DGKQ: variants seen among roughly 807,000 people sequenced by gnomAD.
The protein encoded by DGKQ is diacylglycerol kinase theta.
Under a neutral mutation model 104.2 loss-of-function variants are expected in DGKQ, and 97 were observed. The observed-to-expected ratio is 0.93, with a 90% CI of 0.79 to 1.10. The LOEUF (loss-of-function observed/expected upper bound fraction) is 1.10, where lower values mean the gene tolerates loss of function less well. DGKQ is among the 50% of genes least tolerant of loss of function. DGKQ has a pLI of 0.00. For synonymous variants in DGKQ, 736 were observed against 595.2 expected, an observed-to-expected ratio of 1.24 and a Z score of -3.44; for missense variants, 1,465 against 1,352.1, an observed-to-expected ratio of 1.08 and a Z score of -1.31.
chr4:968,149 G>T, intron 5 of DGKQ, 122 bp from the exon 6 acceptor site: 2 of 554,118 alleles, frequency 3.6e-6, no homozygotes, highest in Non-Finnish European at 4.9e-6. Flanking sequence ...CCTTCCTGCC[G>T]CCCGCCCCCG....
chr4:964,633 G>A (rs368256803), intron 15 of DGKQ, among the ~76,000 whole-genome samples: 2 of 152,148 alleles, frequency 1.3e-5, no homozygotes, highest in East Asian at 1.9e-4. Context: ...TGGGTCTGAA[G>A]GGCAGCGTTC....
Position 960,673 on chromosome 4 carries a change from T to A in DGKQ, c.2776A>T (p.Thr926Ser). The A allele has an allele frequency of 1.2e-6, 2 of 1,612,314 alleles. No individual in the cohort carries two copies. The highest frequency in any genetic ancestry group is 1.7e-6 in the Non-Finnish European group (2 of 1,179,814). The change falls in exon 23 of 23, where the codon ACC becomes TCC. Residue 926 changes from threonine to serine, a missense_variant. Coordinates refer to ENST00000273814, the MANE Select transcript of DGKQ (RefSeq NM_001347.4). The stretch of plus-strand genomic sequence containing the variant: ...GCAGCATCCGCCCGGGCATCCCTGG[T>A]GGTCCCGGCCCTCCTCGGCTTCTGC... ...AKQKPRRAGT[T>S]RDARADAAPA...
chr4:972,670 C>A (rs1713028284), intron 1 of DGKQ, among the ~76,000 whole-genome samples: 1 of 152,202 alleles, frequency 6.6e-6, no homozygotes, highest in African/African-American at 2.4e-5. Flanking sequence ...GCCTGCTTGC[C>A]GCGGGGGAAG....
intron 15 of DGKQ, among the ~76,000 whole-genome samples, chr4:964,939 C>T (rs1446877835): frequency 3.3e-5 from 5 of 152,146 alleles, no homozygotes; most frequent in African/African-American, 1.2e-4. Flanking sequence ...ACTGGGCAGC[C>T]TCGGATGAGC....
Position 970,279 on chromosome 4 carries a change from C to T in DGKQ, c.351+714G>A, listed in dbSNP as rs947182725. 6.6e-5 allele frequency among the ~76,000 whole-genome samples: 10 copies of T among 152,270 alleles called. 1 individual carries two copies. The highest frequency in any genetic ancestry group is 4.6e-4 in the Admixed American group (7 of 15,292). On this transcript the variant is annotated intron_variant, in intron 2 of 22. Transcript: ENST00000273814. ...GCCTGCGCCCCACCTGCAGCCTGAA[C>T]GCATCAGGGAATGCGGACTTGGGGG...
chr4:962,457 G>A lies in DGKQ; in HGVS notation c.2192C>T (p.Thr731Met), dbSNP rs528009075. The A allele has an allele frequency of 7.6e-5, 121 of 1,594,174 alleles. No individual in the cohort carries two copies. The highest frequency in any genetic ancestry group is 1.4e-4 in the Admixed American group (8 of 58,508). The change falls in exon 18 of 23, where the codon ACG becomes ATG. Residue 731 changes from threonine to methionine, a missense_variant. Transcript: ENST00000273814. ...TACCTTGGGGGGCTCTGCGTCTGCC[G>A]TGTCGTTCTCTGCACTGCCAGCCTC... ...AHEAGSAEND[T>M]ADAEPPKIVQ...
At chr4:969,271 C>T (rs890889439) in intron 2 of DGKQ, among the ~76,000 whole-genome samples, 4 of 152,204 alleles carry the variant, frequency 2.6e-5, no homozygotes, top group Non-Finnish European at 5.9e-5. Context: ...GAGCGAGGCC[C>T]GCCTGCCACC....
rs546028944 is a variant in DGKQ, at chr4:963,288, G to T, written c.1737C>A (p.His579Gln). The change falls in exon 16 of 23, where the codon CAC (histidine) becomes CAA (glutamine). Residue 579 changes from histidine (H) to glutamine (Q), a missense_variant and splice_region_variant. Coordinates refer to ENST00000273814, the MANE Select transcript of DGKQ (RefSeq NM_001347.4). Reference sequence around the variant, plus strand: ...GACAGCTGTCTGGGGGCAGCTTCGCGTGCTGACAGACAGGGGGCTGGGTTA... The same window carrying T: ...GACAGCTGTCTGGGGGCAGCTTCGCTTGCTGACAGACAGGGGGCTGGGTTA... Reference protein sequence around the residue: ...LTALVLPDLLHAKLPPDSCPL... With the variant: ...LTALVLPDLLQAKLPPDSCPL... The T allele has an allele frequency of 6.2e-7, 1 of 1,600,050 alleles. No homozygotes were observed. The highest frequency in any genetic ancestry group is 1.3e-5 in the African/African-American group (1 of 74,836).
In DGKQ at chr4:966,536, G is replaced by A. The variant is rs1460755966; in HGVS notation, c.1367-9C>T. On this transcript the variant is annotated splice_polypyrimidine_tract_variant and intron_variant, in intron 11 of 22. Transcript: ENST00000273814. ...CAGCATCGTCCGCTGGACTGCAGAG[G>A]TGAGGGCACAGGCCGTCAGCACCCG... is the stretch of plus-strand genomic sequence containing the variant. 4 of 1,611,150 alleles carry A rather than the reference G, an allele frequency of 2.5e-6. No homozygotes were observed. The highest frequency in any genetic ancestry group is 3.4e-6 in the Non-Finnish European group (4 of 1,178,812).
Position 960,536 on chromosome 4 carries a change from G to A in DGKQ, c.*84C>T. 1.6e-6 allele frequency: 2 copies of A among 1,285,652 alleles called. No individual in the cohort carries two copies. Among genetic ancestry groups the A allele is most frequent in the Admixed American group, 3.5e-5 (2 of 57,862 alleles). 79.6% of individuals were successfully genotyped at this position (1,285,652 alleles called of 1,614,324 possible). ...CGACCACAGGGCCGGCCACTGTGTGGACGTGGAGCTGCCTCCAGACCACCT... is the reference window on the plus strand; with the variant it reads ...CGACCACAGGGCCGGCCACTGTGTGAACGTGGAGCTGCCTCCAGACCACCT... On this transcript the variant is annotated 3_prime_UTR_variant, in exon 23 of 23. Transcript: ENST00000273814.
In DGKQ at chr4:959,308, A is replaced by G. The variant is rs954144539; in HGVS notation, c.*1312T>C. 2.0e-5 allele frequency: 3 copies of G among 152,508 alleles called. No individual in the cohort carries two copies. The highest frequency in any genetic ancestry group is 7.2e-5 in the African/African-American group (3 of 41,458). The allele number at this position is 152,508 out of a possible 1,614,324, so 9.4% of individuals were successfully genotyped here. On this transcript the variant is annotated 3_prime_UTR_variant, in exon 23 of 23. Coordinates refer to ENST00000273814, the MANE Select transcript of DGKQ (RefSeq NM_001347.4). ...TTCTGAGGTCAAAGCCACACCCAGG[A>G]AAGCTCCGCAGGATTGGAGGCCCAG... is the stretch of plus-strand genomic sequence containing the variant.
At chr4:973,065 G>T in intron 1 of DGKQ, 147 bp downstream of exon 1, 1 of 1,264,460 alleles carries the variant, frequency 7.9e-7, no homozygotes, top group Non-Finnish European at 1.0e-6. Flanking sequence ...ACAGGCCCCG[G>T]CCGCCCCACG....
intron 21 of DGKQ, 95 bp downstream of exon 21, chr4:961,372 T>C (rs1417169545): frequency 2.9e-6 from 4 of 1,385,224 alleles, no homozygotes; most frequent in Admixed American, 2.3e-5. Context: ...ACGCCCACCC[T>C]GGACCTGGCC....
chr4:971,030 C>A lies in DGKQ; in HGVS notation c.314G>T (p.Arg105Met), dbSNP rs1340705998. 2 of 1,556,300 alleles carry A rather than the reference C, an allele frequency of 1.3e-6. No homozygotes were observed. Among genetic ancestry groups the A allele is most frequent in the Non-Finnish European group, 1.7e-6 (2 of 1,149,740 alleles). ...MSHEKCLKHV[R>M]IPCTSVAPSL... The stretch of plus-strand genomic sequence containing the variant: ...GGGTGCCACACTCGTGCACGGGATC[C>A]TCACGTGCTTCAGGCACTTCTCATG... Residue 105 changes from arginine to methionine, a missense_variant, in exon 2 of 23, where the codon AGG becomes ATG. By Grantham distance (91) the Arg-to-Met change is moderately conservative (BLOSUM62 -1). Coordinates refer to ENST00000273814, the MANE Select transcript of DGKQ (RefSeq NM_001347.4). The surrounding 1 kb of genome is among the most constrained non-coding windows in gnomAD (Gnocchi z 4.0).
intron 2 of DGKQ, 138 bp from the exon 3 acceptor site, chr4:969,048 G>A (rs1028035422): frequency 8.8e-6 from 5 of 567,278 alleles, no homozygotes; most frequent in Non-Finnish European, 1.5e-5. Context: ...TGTGCTAGCT[G>A]GAGGCCCCAG....
chr4:966,023 A>G lies in DGKQ; in HGVS notation c.1484T>C (p.Val495Ala). The G allele has an allele frequency of 6.2e-7, 1 of 1,605,108 alleles. No individual in the cohort carries two copies. Among genetic ancestry groups the G allele is most frequent in the Non-Finnish European group, 8.5e-7 (1 of 1,176,838 alleles). The change falls in exon 13 of 23, where the codon GTA (valine) becomes GCA (alanine). Residue 495 changes from valine (V) to alanine (A), a missense_variant. By Grantham distance (64) the Val-to-Ala change is moderately conservative. Coordinates refer to ENST00000273814, the MANE Select transcript of DGKQ (RefSeq NM_001347.4). ...TRFYVAESRDVAPHVSLFVGG... is the reference protein window; with the variant it reads ...TRFYVAESRDAAPHVSLFVGG... ...AACAAACAGGGAGACGTGCGGGGCT[A>G]CATCCCTGCTCTCTGCCACGTAGAA...
intron 2 of DGKQ, among the ~76,000 whole-genome samples, chr4:970,101 G>A (rs554662444): frequency 2.0e-5 from 3 of 152,362 alleles, no homozygotes; most frequent in South Asian, 2.1e-4. Context: ...CAGGACCACC[G>A]GCCTAAGGCC....
rs1712345727 is a variant in DGKQ, at chr4:966,451, T to A, written c.1428+15A>T. The A allele has an allele frequency of 6.2e-7, 1 of 1,611,474 alleles. No homozygotes were observed. The highest frequency in any genetic ancestry group is 1.3e-5 in the African/African-American group (1 of 74,888). The stretch of plus-strand genomic sequence containing the variant: ...GCTGCTGGTTCCCTGGGGGCCGGCG[T>A]CCACACCCACTCACCTGCCGGATGT... On this transcript the variant is annotated intron_variant, in intron 12 of 22. Coordinates refer to ENST00000273814, the MANE Select transcript of DGKQ (RefSeq NM_001347.4).
intron 21 of DGKQ, 51 bp from the exon 22 acceptor site, chr4:961,252 G>C (rs370887375): frequency 1.4e-6 from 2 of 1,427,580 alleles, no homozygotes; most frequent in Non-Finnish European, 1.9e-6. Flanking sequence ...GACGCCCACC[G>C]CTGACCTGGC....
Sources: allele counts gnomAD v4.1 joint callset (sites outside exome capture counted in the v4.1 genomes callset), GRCh38; gene constraint gnomAD v4.1.1; non-coding constraint Gnocchi (gnomAD v3.1); transcripts MANE v1.5; gene names NCBI Gene and HGNC (gene_info 2026-07-23, HGNC 2026-07-21).